Variants in SYNPR observed in about 807,000 individuals in gnomAD.
The protein encoded by SYNPR is synaptoporin.
A neutral mutation model predicts 32.9 loss-of-function variants in SYNPR; 23 were observed. The observed-to-expected ratio is 0.70, with a 90% CI of 0.50 to 0.99. SYNPR has a LOEUF of 0.99. Among genes scored for constraint, SYNPR ranks in the 50% least tolerant of loss-of-function variants. The probability of loss-of-function intolerance (pLI) is 0.00; values close to 1 mark genes in which losing one functional copy is unlikely to be tolerated. For synonymous variants in SYNPR, 146 were observed against 135.9 expected, an observed-to-expected ratio of 1.07 and a Z score of -0.52; for missense variants, 318 against 349.3, an observed-to-expected ratio of 0.91 and a Z score of 0.71.
intron 3 of SYNPR, among the ~76,000 whole-genome samples, chr3:63,497,402 A>G (rs4688409): frequency 0.6 from 91,841 of 151,968 alleles, 27,980 homozygotes; most frequent in African/African-American, 0.67. Flanking sequence ...ATTTTAAACA[A>G]TTTATTCTTA....
intron 3 of SYNPR, among the ~76,000 whole-genome samples, chr3:63,513,073 T>A (rs1395948999): frequency 2.0e-5 from 3 of 151,722 alleles, no homozygotes; most frequent in Non-Finnish European, 2.9e-5. Context: ...CCCAGAATCG[T>A]ATAACTGGCC....
chr3:63,494,404 T>TATATATATACACAC (rs1553641131), intron 3 of SYNPR, among the ~76,000 whole-genome samples: 7 of 102,374 alleles, frequency 6.8e-5, no homozygotes, highest in East Asian at 2.6e-4. Flanking sequence ...TATATATATA[T>TATATATATACACAC]ATATATATAT....
chr3:63,278,635 C>A, intron 1 of SYNPR, 42 bp from the exon 2 acceptor site: 2 of 1,551,010 alleles, frequency 1.3e-6, no homozygotes, highest in Non-Finnish European at 1.7e-6. Context: ...CCAGCCCCTT[C>A]CTCACGCTTT....
chr3:63,501,498 AAAAAAAAAAAAAAAAAG>A (rs1481818786), intron 3 of SYNPR, among the ~76,000 whole-genome samples: 1 of 113,998 alleles, frequency 8.8e-6, no homozygotes, highest in Non-Finnish European at 1.8e-5. Context: ...CCCAACCAAA[AAAAAAAAAAAAAAAAAG>A]AAAAGAAAAA....
chr3:63,223,017 A>G, the SYNPR span, among the ~76,000 whole-genome samples: 1 of 152,158 alleles, frequency 6.6e-6, no homozygotes, highest in Non-Finnish European at 1.5e-5. Flanking sequence ...GCTGTGTTCC[A>G]TGGGGTCACC....
intron 2 of SYNPR, among the ~76,000 whole-genome samples, chr3:63,265,487 A>G (rs1242589952): frequency 6.6e-6 from 1 of 152,116 alleles, no homozygotes; most frequent in South Asian, 2.1e-4. Context: ...CCTGACCTCA[A>G]GTGATCCACC....
chr3:63,210,980 C>T, the SYNPR span, among the ~76,000 whole-genome samples: 7 of 152,170 alleles, frequency 4.6e-5, no homozygotes, highest in African/African-American at 9.7e-5. Context: ...AACAAATAAA[C>T]GCTTGCTGCC....
intron 2 of SYNPR, among the ~76,000 whole-genome samples, chr3:63,358,301 G>A (rs78685158): frequency 0.012 from 1,774 of 152,282 alleles, 35 homozygotes; most frequent in African/African-American, 0.04. Flanking sequence ...AGACTCTAAG[G>A]GAGAATCTAT....
At position 63,603,546 on chromosome 3, in the gene SYNPR, A is replaced by C. The variant is rs117663212; in HGVS notation, c.409-5579A>C. On this transcript the variant is annotated intron_variant, in intron 4 of 5. Transcript: ENST00000478300. ...AATGCCTAGTTTGTTGAGGGTTCTT[A>C]ACATGAAGGGAAGTTGAATTTTATT... Among the ~76,000 whole-genome samples the C allele has an allele frequency of 2.6e-3, 391 of 152,270 alleles. 17 individuals carry two copies. In the East Asian group the frequency reaches 0.07, roughly 27 times the overall value.
intron 2 of SYNPR, among the ~76,000 whole-genome samples, chr3:63,367,436 T>G (rs905755846): frequency 6.6e-6 from 1 of 152,074 alleles, no homozygotes; most frequent in Non-Finnish European, 1.5e-5. Flanking sequence ...CTCGGGTTAC[T>G]GCACCCTCCA....
At chr3:63,442,880 A>G (rs1028211589) in intron 2 of SYNPR, among the ~76,000 whole-genome samples, 1 of 152,208 alleles carries the variant, frequency 6.6e-6, no homozygotes, top group Admixed American at 6.5e-5. Context: ...AACAAACATA[A>G]CAACATTTAC....
intron 1 of SYNPR, among the ~76,000 whole-genome samples, chr3:63,228,991 T>C (rs2086149354): frequency 6.6e-6 from 1 of 152,206 alleles, no homozygotes. Context: ...TAAAGAGCAT[T>C]CTGCAGAACT....
At chr3:63,287,210 C>A (rs145937869) in intron 2 of SYNPR, among the ~76,000 whole-genome samples, 313 of 152,310 alleles carry the variant, frequency 2.1e-3, no homozygotes, top group Non-Finnish European at 3.0e-3. Flanking sequence ...TACCAAGAGA[C>A]AATTTCTTGC....
intron 3 of SYNPR, among the ~76,000 whole-genome samples, chr3:63,486,901 A>G (rs959377771): frequency 1.3e-5 from 2 of 152,112 alleles, no homozygotes; most frequent in African/African-American, 4.8e-5. Context: ...CTTCAATGTC[A>G]GCTTCAGATT....
At chr3:63,410,520 G>T (rs776193734) in intron 2 of SYNPR, among the ~76,000 whole-genome samples, 1 of 152,172 alleles carries the variant, frequency 6.6e-6, no homozygotes, top group Non-Finnish European at 1.5e-5. Flanking sequence ...AAAGGAAGAT[G>T]AGCAAGATAC....
chr3:63,344,279 G>A lies in SYNPR; in HGVS notation c.84+65537G>A, dbSNP rs143257688. Among the ~76,000 whole-genome samples, 213 of 152,218 alleles carry A rather than the reference G, an allele frequency of 1.4e-3. 1 individual carries two copies. The highest frequency in any genetic ancestry group is 5.0e-3 in the African/African-American group (208 of 41,528). On this transcript the variant is annotated intron_variant, in intron 2 of 5. Coordinates refer to ENST00000478300, the MANE Select transcript of SYNPR (RefSeq NM_001130003.2). ...AGTTTTCCATTTGACCCAGTTGTCT[G>A]CTGCACTTCTTCTCTCCTACCTATC...
intron 2 of SYNPR, among the ~76,000 whole-genome samples, chr3:63,265,869 T>G (rs779747262): frequency 6.6e-6 from 1 of 152,196 alleles, no homozygotes; most frequent in Non-Finnish European, 1.5e-5. Flanking sequence ...TTTCATTTGT[T>G]TTAAGAAATG....
intron 2 of SYNPR, among the ~76,000 whole-genome samples, chr3:63,348,498 C>T (rs899196675): frequency 6.6e-6 from 1 of 152,020 alleles, no homozygotes; most frequent in African/African-American, 2.4e-5. Context: ...CACTCTGTTG[C>T]TTATTTCTTT....
chr3:63,373,899 A>G (rs972380152), intron 2 of SYNPR, among the ~76,000 whole-genome samples: 14 of 152,238 alleles, frequency 9.2e-5, no homozygotes, highest in African/African-American at 3.4e-4. Flanking sequence ...GAAACTGTCT[A>G]ATCCAGAAGA....
Sources: allele counts gnomAD v4.1 joint callset (sites outside exome capture counted in the v4.1 genomes callset), GRCh38; gene constraint gnomAD v4.1.1; transcripts MANE v1.5; gene names NCBI Gene and HGNC (gene_info 2026-07-23, HGNC 2026-07-21).